Variants in ERICH6 observed in about 807,000 individuals in gnomAD.
ERICH6 encodes the protein glutamate-rich protein 6.
Under a neutral mutation model 71.0 loss-of-function variants are expected in ERICH6, and 71 were observed. That is an observed-to-expected ratio of 1.00 (90% CI 0.83 to 1.22). The LOEUF (loss-of-function observed/expected upper bound fraction) is 1.22. ERICH6 is among the 50% of genes most tolerant of loss of function. The probability of loss-of-function intolerance (pLI) is 0.00; values close to 1 mark genes in which losing one functional copy is unlikely to be tolerated. For synonymous variants in ERICH6, 262 were observed against 278.4 expected (o/e 0.94, Z 0.59); for missense variants, 808 against 797.2 (o/e 1.01, Z -0.16).
chr3:150,686,629 T>C (rs563680217), intron 3 of ERICH6, among the ~76,000 whole-genome samples: 1 of 152,176 alleles, frequency 6.6e-6, no homozygotes, highest in Non-Finnish European at 1.5e-5. Context: ...TATTCCAAAA[T>C]CCTGAGTGGA....
At chr3:150,663,147 T>C (rs1301863879) in intron 13 of ERICH6, among the ~76,000 whole-genome samples, 1 of 152,178 alleles carries the variant, frequency 6.6e-6, no homozygotes, top group African/African-American at 2.4e-5. Context: ...TGTGTTAGAA[T>C]AGACTTTGGG....
At chr3:150,700,426 C>T (rs985136447) in intron 2 of ERICH6, among the ~76,000 whole-genome samples, 22 of 151,186 alleles carry the variant, frequency 1.5e-4, no homozygotes, top group Admixed American at 2.6e-4. Flanking sequence ...ATCCGTGAGA[C>T]CTATATAAAA....
At chr3:150,664,643 T>G in intron 13 of ERICH6, among the ~76,000 whole-genome samples, 1 of 146,652 alleles carries the variant, frequency 6.8e-6, no homozygotes, top group Non-Finnish European at 1.5e-5. Context: ...CGAGACTCCA[T>G]CTGAAAAAAA....
chr3:150,685,087 A>G (rs1712126130), intron 6 of ERICH6, among the ~76,000 whole-genome samples: 1 of 152,162 alleles, frequency 6.6e-6, no homozygotes, highest in African/African-American at 2.4e-5. Context: ...GATCTGTCTC[A>G]GCCTCCCAAA....
At chr3:150,668,576 A>G (rs1727499465) in intron 12 of ERICH6, among the ~76,000 whole-genome samples, 1 of 152,232 alleles carries the variant, frequency 6.6e-6, no homozygotes, top group Non-Finnish European at 1.5e-5. Flanking sequence ...ATAGCTCGGT[A>G]TCCTAACTTT....
At position 150,680,757 on chromosome 3, in the gene ERICH6, G is replaced by A. The variant is rs746486427; in HGVS notation, c.1040+16C>T. ...GCCGGCCTGTATGAGTTTCAGTATCGAAGTCTCAATGTTACCTTTGCAGGG... is the reference window on the plus strand; with the variant it reads ...GCCGGCCTGTATGAGTTTCAGTATCAAAGTCTCAATGTTACCTTTGCAGGG... On this transcript the variant is annotated intron_variant, in intron 8 of 13. Transcript: ENST00000295910. The A allele has an allele frequency of 1.4e-5, 23 of 1,587,926 alleles. No individual in the cohort carries two copies. The highest frequency in any genetic ancestry group is 3.8e-5 in the Admixed American group (2 of 52,528).
chr3:150,702,076 CATT>C, intron 2 of ERICH6, 42 bp downstream of exon 2: 1 of 1,266,946 alleles, frequency 7.9e-7, no homozygotes, highest in Non-Finnish European at 1.1e-6. Flanking sequence ...AAAAGGTAAA[CATT>C]ATTGGGTTCA....
At chr3:150,675,937 T>C (rs1711636471) in intron 10 of ERICH6, among the ~76,000 whole-genome samples, 1 of 151,524 alleles carries the variant, frequency 6.6e-6, no homozygotes, top group Admixed American at 6.6e-5. Flanking sequence ...TCATACTGCT[T>C]GAGATCACTG....
intron 5 of ERICH6, 22 bp from the exon 6 acceptor site, chr3:150,685,880 G>T: frequency 6.2e-7 from 1 of 1,609,456 alleles, no homozygotes; most frequent in South Asian, 1.1e-5. Context: ...AAGAGAAAGG[G>T]GTGGTGAGGG....
At chr3:150,667,124 T>A (rs1727453304) in intron 12 of ERICH6, 109 bp from the exon 13 acceptor site, 1 of 981,264 alleles carries the variant, frequency 1.0e-6, no homozygotes, top group Non-Finnish European at 1.5e-6. Context: ...TGCCAGCGAT[T>A]AGCAGGAGTG....
chr3:150,680,596 T>A, intron 8 of ERICH6, 58 bp from the exon 9 acceptor site: 3 of 1,599,956 alleles, frequency 1.9e-6, no homozygotes, highest in Non-Finnish European at 2.6e-6. Flanking sequence ...CTTAAAACAG[T>A]CTACTACAAA....
At chr3:150,662,198 A>C (rs1727248892) in intron 13 of ERICH6, among the ~76,000 whole-genome samples, 1 of 152,224 alleles carries the variant, frequency 6.6e-6, no homozygotes, top group Non-Finnish European at 1.5e-5. Context: ...AATGGGAACA[A>C]CTGAAGAGCG....
chr3:150,663,831 T>G (rs1727308027), intron 13 of ERICH6, among the ~76,000 whole-genome samples: 1 of 151,886 alleles, frequency 6.6e-6, no homozygotes, highest in African/African-American at 2.4e-5. Flanking sequence ...TGAATTGGAA[T>G]CAGAGACTTG....
chr3:150,660,665 C>T (rs1033218061), intron 13 of ERICH6, among the ~76,000 whole-genome samples: 2 of 152,192 alleles, frequency 1.3e-5, no homozygotes, highest in African/African-American at 4.8e-5. Context: ...CTGCTCTCCC[C>T]ACTCTCTCAC....
intron 8 of ERICH6, 38 bp downstream of exon 8, chr3:150,680,735 G>A (rs753169635): frequency 3.3e-5 from 52 of 1,578,348 alleles, no homozygotes; most frequent in Middle Eastern, 3.4e-4. Flanking sequence ...CGATTAAGCC[G>A]GCCTGTATGA....
At chr3:150,699,999 A>C (rs73004858) in intron 2 of ERICH6, among the ~76,000 whole-genome samples, 1 of 152,158 alleles carries the variant, frequency 6.6e-6, no homozygotes, top group Non-Finnish European at 1.5e-5. Context: ...ATTATATATC[A>C]GAATGGTCTG....
At chr3:150,702,015 A>T in intron 2 of ERICH6, 106 bp downstream of exon 2, 1 of 775,862 alleles carries the variant, frequency 1.3e-6, no homozygotes, top group Non-Finnish European at 2.1e-6. Flanking sequence ...TAAAATAAGT[A>T]AGTCACAAAT....
chr3:150,701,371 C>T (rs1227947032), intron 2 of ERICH6, among the ~76,000 whole-genome samples: 1 of 128,702 alleles, frequency 7.8e-6, no homozygotes, highest in Non-Finnish European at 1.7e-5. Flanking sequence ...ATGAAAATGT[C>T]ATTTTAAATA....
At chr3:150,692,992 A>G (rs1226825118) in intron 3 of ERICH6, among the ~76,000 whole-genome samples, 2 of 152,148 alleles carry the variant, frequency 1.3e-5, no homozygotes, top group Non-Finnish European at 2.9e-5. Context: ...AGACTAAACT[A>G]ATAGAAGTCT....
Sources: allele counts gnomAD v4.1 joint callset (sites outside exome capture counted in the v4.1 genomes callset), GRCh38; gene constraint gnomAD v4.1.1; transcripts MANE v1.5; gene names NCBI Gene and HGNC (gene_info 2026-07-23, HGNC 2026-07-21).